Variants in LSR observed in about 807,000 individuals in gnomAD.
LSR encodes the protein lipolysis-stimulated lipoprotein receptor.
LSR carries 44 observed loss-of-function variants against 61.8 expected under a neutral mutation model. The observed-to-expected ratio is 0.71, with a 90% CI of 0.56 to 0.91. The LOEUF (loss-of-function observed/expected upper bound fraction) is 0.91. Among genes scored for constraint, LSR ranks in the 40% least tolerant of loss-of-function variants. The probability of loss-of-function intolerance (pLI) is 0.00; values close to 1 mark genes in which losing one functional copy is unlikely to be tolerated. For missense variants in LSR, 911 were observed against 830.5 expected, an observed-to-expected ratio of 1.10 and a Z score of -1.19; for synonymous variants, 397 against 350.6, an observed-to-expected ratio of 1.13 and a Z score of -1.48.
chr19:35,252,911 C>T (rs896574749), intron 2 of LSR, among the ~76,000 whole-genome samples: 2 of 152,090 alleles, frequency 1.3e-5, no homozygotes, highest in African/African-American at 4.8e-5. Context: ...GTCCCGGCTG[C>T]TCAGGAGGCT....
At chr19:35,250,847 GT>G (rs1209767434) in intron 2 of LSR, among the ~76,000 whole-genome samples, 188 bp downstream of exon 2, 1 of 149,972 alleles carries the variant, frequency 6.7e-6, no homozygotes, top group Admixed American at 6.7e-5. Context: ...CCAGGCTGGA[GT>G]GCAGTGGTGC....
intron 3 of LSR, among the ~76,000 whole-genome samples, chr19:35,260,873 C>T (rs1300705394): frequency 1.3e-5 from 2 of 152,084 alleles, no homozygotes; most frequent in African/African-American, 4.8e-5. Context: ...GTCCATTAGG[C>T]ATCAGGGCGA....
rs1009317313 is a variant in LSR, at chr19:35,262,665, C to T, written c.751C>T (p.Pro251Ser). ...CCCYVRCPCC[P>S]DKCCCPEALY... ...CTGCTACGTCAGGTGCCCCTGCTGC[C>T]CAGACAAGTGCTGCTGCCCCGAGGC... The change falls in exon 5 of 10, where the codon CCA (proline) becomes TCA (serine). Residue 251 changes from proline (P) to serine (S), a missense_variant. Coordinates refer to ENST00000605618, the MANE Select transcript of LSR (RefSeq NM_205834.4). 3.1e-6 allele frequency: 5 copies of T among 1,614,080 alleles called. No individual in the cohort carries two copies. The highest frequency in any genetic ancestry group is 1.6e-4 in the Middle Eastern group (1 of 6,062).
At position 35,262,891 on chromosome 19, in the gene LSR, ATGT is replaced by A. The variant is rs1263615413; in HGVS notation, c.778+204_778+206del. 15 of 608,258 alleles carry A rather than the reference ATGT, an allele frequency of 2.5e-5. No individual in the cohort carries two copies. In the East Asian group the frequency reaches 3.7e-4, roughly 15 times the overall value. 37.7% of individuals were successfully genotyped at this position (608,258 alleles called of 1,614,324 possible). On this transcript the variant is annotated intron_variant, in intron 5 of 9. Coordinates refer to ENST00000605618, the MANE Select transcript of LSR (RefSeq NM_205834.4). ...TCCAACTTTTAGTTTATTTTTATTT[ATGT>A]TGTTCTTTTCTTTTGTAAGTATAAT...
intron 2 of LSR, among the ~76,000 whole-genome samples, chr19:35,256,414 G>A (rs1175731406): frequency 6.6e-6 from 1 of 152,144 alleles, no homozygotes; most frequent in African/African-American, 2.4e-5. Context: ...TGAGAAGGTG[G>A]CATGGTTTTA....
chr19:35,259,752 G>C (rs948620181), intron 3 of LSR, among the ~76,000 whole-genome samples: 1 of 152,204 alleles, frequency 6.6e-6, no homozygotes, highest in Non-Finnish European at 1.5e-5. Context: ...TCTCACCCGA[G>C]TCCCTCGCCA....
chr19:35,261,788 A>G (rs2519962), intron 3 of LSR, 137 bp from the exon 4 acceptor site: 178,756 of 504,972 alleles, frequency 0.35, 34,449 homozygotes, highest in Non-Finnish European at 0.42. Flanking sequence ...GGAGCCATGC[A>G]CTAGGGCTTC....
Position 35,267,674 on chromosome 19 carries a change from C to T in LSR, c.1710C>T (p.Pro570=), listed in dbSNP as rs765224509. 17 of 1,604,946 alleles carry T rather than the reference C, an allele frequency of 1.1e-5. No homozygotes were observed. The South Asian group carries it at 1.8e-4, about 17-fold the overall frequency. ...KEEEEEAYYP[P]APPPYSETDS... ...AGGAGGAAGAGGCCTACTACCCGCC[C>T]GCGCCGCCCCCGTACTCGGAGACCG... is the stretch of plus-strand genomic sequence containing the variant. The change falls in exon 9 of 10, where the codon CCC becomes CCT. Residue 570 remains proline, a synonymous_variant. Transcript: ENST00000605618.
At chr19:35,262,813 T>A in intron 5 of LSR, 121 bp downstream of exon 5, 1 of 1,281,652 alleles carries the variant, frequency 7.8e-7, no homozygotes, top group Non-Finnish European at 1.1e-6. Context: ...ATTTAGCCAG[T>A]GGGGAGAAAG....
intron 5 of LSR, 152 bp downstream of exon 5, chr19:35,262,844 G>A: frequency 2.4e-6 from 2 of 825,740 alleles, no homozygotes; most frequent in East Asian, 2.7e-5. Context: ...AGGGTCTGCT[G>A]TTTAGATTGT....
At chr19:35,258,142 G>C (rs184825935) in intron 2 of LSR, among the ~76,000 whole-genome samples, 188 of 152,300 alleles carry the variant, frequency 1.2e-3, no homozygotes, top group African/African-American at 4.3e-3. Flanking sequence ...AGAGATGGCT[G>C]TAAGTTGAGA....
At chr19:35,252,982 C>G (rs1337525937) in intron 2 of LSR, among the ~76,000 whole-genome samples, 1 of 152,080 alleles carries the variant, frequency 6.6e-6, no homozygotes, top group Admixed American at 6.6e-5. Context: ...GATCGTGCCA[C>G]TGCATTCCAG....
At chr19:35,256,276 TAGG>T (rs1302814746) in intron 2 of LSR, among the ~76,000 whole-genome samples, 11 of 151,868 alleles carry the variant, frequency 7.2e-5, no homozygotes, top group African/African-American at 2.7e-4. Context: ...TTTGTTTTCA[TAGG>T]CAGCAGAATG....
In LSR at chr19:35,267,703, C is replaced by G. The variant is rs1277367329; in HGVS notation, c.1739C>G (p.Ser580Trp). Reference protein sequence around the residue: ...PAPPPYSETDSQASRERRLKK... With the variant: ...PAPPPYSETDWQASRERRLKK... ...CCGCCCCCGTACTCGGAGACCGACTCGCAGGCGTCCCGAGAGCGCAGGCTC... is the reference window on the plus strand; with the variant it reads ...CCGCCCCCGTACTCGGAGACCGACTGGCAGGCGTCCCGAGAGCGCAGGCTC... Residue 580 changes from serine to tryptophan, a missense_variant, in exon 9 of 10, where the codon TCG becomes TGG. Ser to Trp is a radical substitution (Grantham distance 177). Transcript: ENST00000605618. The G allele has an allele frequency of 2.9e-5, 46 of 1,603,032 alleles. No individual in the cohort carries two copies. The highest frequency in any genetic ancestry group is 3.8e-5 in the Non-Finnish European group (45 of 1,175,754).
chr19:35,253,568 C>G (rs1265466356), intron 2 of LSR: 3 of 152,366 alleles, frequency 2.0e-5, no homozygotes, highest in Non-Finnish European at 4.4e-5. Context: ...TTTGCAGACC[C>G]CAAGAAGCCA....
chr19:35,250,703 T>TGGTGGG, intron 2 of LSR, 44 bp downstream of exon 2: 6 of 1,441,740 alleles, frequency 4.2e-6, no homozygotes, highest in Non-Finnish European at 5.6e-6. Flanking sequence ...CTTGCCCGGG[T>TGGTGGG]GGTGGGACTG....
In LSR at chr19:35,266,391, G is replaced by A; in HGVS notation, c.811G>A (p.Val271Ile). Residue 271 changes from valine (V) to isoleucine (I), a missense_variant, in exon 6 of 10, where the codon GTT (valine) becomes ATT (isoleucine). Coordinates refer to ENST00000605618, the MANE Select transcript of LSR (RefSeq NM_205834.4). ...YAAGKAATSG[V>I]PSIYAPSTYA... ...CGCCGGCAAAGCAGCCACCTCAGGT[G>A]TTCCCAGCATTTATGCCCCCAGCAC... 1 of 1,599,866 alleles carries A rather than the reference G, an allele frequency of 6.3e-7. No homozygotes were observed. Among genetic ancestry groups the A allele is most frequent in the Non-Finnish European group, 8.5e-7 (1 of 1,173,372 alleles).
chr19:35,254,257 C>T (rs955611972), intron 2 of LSR, among the ~76,000 whole-genome samples: 2 of 152,150 alleles, frequency 1.3e-5, no homozygotes, highest in Non-Finnish European at 2.9e-5. Context: ...CCACACCTGG[C>T]TAATTTTTGT....
chr19:35,262,067 C>G, intron 4 of LSR, 86 bp downstream of exon 4: 1 of 1,243,042 alleles, frequency 8.0e-7, no homozygotes, highest in Non-Finnish European at 1.1e-6. Context: ...ATCCCCTTCC[C>G]CACTAAACCC....
Sources: gnomAD v4.1 joint callset for allele counts (sites outside exome capture counted in the v4.1 genomes callset) on GRCh38, gnomAD v4.1.1 for gene constraint, MANE v1.5 for transcripts, NCBI Gene and HGNC (gene_info 2026-07-23, HGNC 2026-07-21) for gene names.